Variants in TACC1 observed in about 807,000 individuals in gnomAD.
TACC1 encodes the protein transforming acidic coiled-coil-containing protein 1.
TACC1 carries 48 observed loss-of-function variants against 84.4 expected under a neutral mutation model. The observed-to-expected ratio is 0.57, with a 90% confidence interval of 0.45 to 0.72. The LOEUF is 0.72. Ranked by LOEUF, TACC1 falls within the 30% of genes least tolerant of loss-of-function variation. The pLI is 0.00. For synonymous variants in TACC1, 372 were observed against 376.3 expected, an observed-to-expected ratio of 0.99 and a Z score of 0.13; for missense variants, 920 against 973.0, an observed-to-expected ratio of 0.95 and a Z score of 0.72.
chr8:38,779,808 G>A (rs188656480), intron 3 of TACC1, among the ~76,000 whole-genome samples: 2 of 152,310 alleles, frequency 1.3e-5, no homozygotes, highest in Admixed American at 1.3e-4. Context: ...AAGTTAACTT[G>A]TTAACAACAA....
intron 3 of TACC1, among the ~76,000 whole-genome samples, chr8:38,768,792 G>C (rs1812798139): frequency 6.6e-6 from 1 of 151,732 alleles, no homozygotes. Flanking sequence ...GTGAGAGTTG[G>C]GGGTAGGTGT....
At chr8:38,834,643 T>C (rs1181666104) in intron 6 of TACC1, among the ~76,000 whole-genome samples, 1 of 152,162 alleles carries the variant, frequency 6.6e-6, no homozygotes, top group Non-Finnish European at 1.5e-5. Flanking sequence ...GTGGCTTTTG[T>C]ATTTTGCTTT....
intron 2 of TACC1, among the ~76,000 whole-genome samples, chr8:38,812,609 A>G (rs1437940667): frequency 2.0e-5 from 3 of 152,108 alleles, no homozygotes; most frequent in Non-Finnish European, 4.4e-5. Context: ...CCTTTTCCAC[A>G]TTGCAACTGG....
rs1244784186 is a variant in TACC1 at position 38,787,277 on chromosome 8, C to T, written c.-306C>T. 9.2e-7 allele frequency: 1 copy of T among 1,083,416 alleles called. No individual in the cohort carries two copies. The highest frequency in any genetic ancestry group is 1.1e-6 in the Non-Finnish European group (1 of 893,328). The allele number at this position is 1,083,416 out of a possible 1,614,324, so 67.1% of individuals were successfully genotyped here. A position where few individuals can be genotyped will look rare whatever the true frequency, so the allele number is the denominator to read the frequency against. ...AGCGGGAGCAGCAGAGGTCTAGCAG[C>T]CGGGCGCCGCGGGCCGGGGGCCTGA... On this transcript the variant is annotated 5_prime_UTR_variant, in exon 1 of 13. Transcript: ENST00000317827.
chr8:38,792,843 T>A (rs1367175057), intron 2 of TACC1, among the ~76,000 whole-genome samples: 1 of 152,028 alleles, frequency 6.6e-6, no homozygotes, highest in Non-Finnish European at 1.5e-5. Flanking sequence ...AAAGGGATTC[T>A]CCTGCCTCAC....
chr8:38,771,993 G>T (rs1813711512), intron 3 of TACC1, among the ~76,000 whole-genome samples: 2 of 151,306 alleles, frequency 1.3e-5, no homozygotes, highest in African/African-American at 4.9e-5. Context: ...TAAGGCAAAA[G>T]ACTTAAACAC....
At chr8:38,825,963 C>T (rs1827938808) in intron 4 of TACC1, among the ~76,000 whole-genome samples, 1 of 152,168 alleles carries the variant, frequency 6.6e-6, no homozygotes, top group Non-Finnish European at 1.5e-5. Flanking sequence ...TTGATGTTGA[C>T]CTTTGTTACA....
intron 6 of TACC1, among the ~76,000 whole-genome samples, chr8:38,835,939 T>G (rs1296404034): frequency 6.6e-6 from 1 of 152,262 alleles, no homozygotes; most frequent in Non-Finnish European, 1.5e-5. Flanking sequence ...CTCTAGGTTA[T>G]CTGCTCAACA....
chr8:38,744,161 G>C (rs576731760), intron 2 of TACC1: 1 of 152,174 alleles, frequency 6.6e-6, no homozygotes, highest in Non-Finnish European at 1.5e-5. Context: ...TGAATTCAGC[G>C]ATCCCATCAG....
At chr8:38,753,936 C>CTTTCTT (rs1563270935) in intron 3 of TACC1, among the ~76,000 whole-genome samples, 1 of 59,374 alleles carries the variant, frequency 1.7e-5, no homozygotes, top group Non-Finnish European at 3.9e-5. Flanking sequence ...TTTCTTCTTT[C>CTTTCTT]TCTCTCTCTC....
chr8:38,777,432 G>T (rs1016606359), intron 3 of TACC1, among the ~76,000 whole-genome samples: 1 of 152,126 alleles, frequency 6.6e-6, no homozygotes, highest in African/African-American at 2.4e-5. Flanking sequence ...GTTGTGACAC[G>T]CAGTTCACAA....
intron 3 of TACC1, among the ~76,000 whole-genome samples, chr8:38,769,295 A>G (rs1230588252): frequency 8.9e-6 from 1 of 112,092 alleles, no homozygotes; most frequent in Non-Finnish European, 1.7e-5. Flanking sequence ...TGTGTATGTA[A>G]GACTGTGTAT....
chr8:38,765,399 G>C (rs1812050673), intron 3 of TACC1, among the ~76,000 whole-genome samples: 5 of 152,142 alleles, frequency 3.3e-5, no homozygotes. Context: ...AGAAAGCCTT[G>C]AGTCTCATCC....
In TACC1 at chr8:38,774,809, G is replaced by C. The variant is rs1012028664; in HGVS notation, c.27-13895G>C. 9.2e-5 allele frequency among the ~76,000 whole-genome samples: 14 copies of C among 152,146 alleles called. No homozygotes were observed. In the East Asian group the frequency reaches 2.1e-3, roughly 23 times the overall value. On this transcript the variant is annotated intron_variant, in intron 3 of 14. Transcript: ENST00000518415. ...GGGCGGATCACGAGGTCAGGAGTTC[G>C]AGACCAGCCTGTCCAACATGGTGAA...
chr8:38,773,274 G>A (rs1418342721), intron 3 of TACC1, among the ~76,000 whole-genome samples: 1 of 151,644 alleles, frequency 6.6e-6, no homozygotes, highest in Admixed American at 6.6e-5. Flanking sequence ...GTGGCGAGCC[G>A]AGATCATGCC....
intron 9 of TACC1, 128 bp downstream of exon 9, chr8:38,840,395 A>T: frequency 2.5e-6 from 2 of 804,960 alleles, no homozygotes; most frequent in Non-Finnish European, 2.0e-6. Context: ...AGCTCTGGAG[A>T]CAGGAGAGTT....
At chr8:38,778,971 GT>G (rs113257559) in intron 3 of TACC1, among the ~76,000 whole-genome samples, 4,104 of 139,898 alleles carry the variant, frequency 0.029, 97 homozygotes, top group African/African-American at 0.082. Context: ...GGGTCCTTGG[GT>G]TTTTTTTTTT....
chr8:38,757,485 C>T (rs1330389956), intron 3 of TACC1: 2 of 1,088,064 alleles, frequency 1.8e-6, no homozygotes, highest in Non-Finnish European at 2.3e-6. Context: ...CGCTGGGGCC[C>T]GTCCCAGAAA....
At chr8:38,768,822 G>T (rs1812802152) in intron 3 of TACC1, among the ~76,000 whole-genome samples, 1 of 151,272 alleles carries the variant, frequency 6.6e-6, no homozygotes, top group Admixed American at 6.6e-5. Context: ...GGTTATATGT[G>T]TACCAGAGAC....
Sources: gnomAD v4.1 joint callset for allele counts (sites outside exome capture counted in the v4.1 genomes callset) on GRCh38, gnomAD v4.1.1 for gene constraint, MANE v1.5 for transcripts, NCBI Gene and HGNC (gene_info 2026-07-23, HGNC 2026-07-21) for gene names.